GABBR2: variants seen among roughly 807,000 people sequenced by gnomAD.
GABBR2 encodes G-protein coupled receptor 51.
GABBR2 carries 23 observed loss-of-function variants against 105.6 expected under a neutral mutation model. The ratio of observed to expected loss-of-function variants is 0.22; its 90% confidence interval spans 0.16 to 0.31. The LOEUF is 0.31. Ranked by LOEUF, GABBR2 falls within the 10% of genes least tolerant of loss-of-function variation. The pLI, the probability that GABBR2 is intolerant of heterozygous loss-of-function variation, is 1.00. For synonymous variants in GABBR2, 478 were observed against 499.7 expected, an observed-to-expected ratio of 0.96 and a Z score of 0.58; for missense variants, 734 against 1,245.5, an observed-to-expected ratio of 0.59 and a Z score of 6.18.
rs57747633 is a variant in GABBR2 at position 98,465,121 on chromosome 9, T to TAAAAAAAAAAAA, written c.999+8013_999+8024dup. Among the ~76,000 whole-genome samples the TAAAAAAAAAAAA allele has an allele frequency of 9.5e-3, 208 of 22,010 alleles. 2 individuals carry two copies. Among genetic ancestry groups the TAAAAAAAAAAAA allele is most frequent in the Middle Eastern group, 0.071 (1 of 14 alleles). 14.4% of individuals were successfully genotyped at this position (22,010 alleles called of 152,430 possible). On this transcript the variant is annotated intron_variant, in intron 6 of 18. Coordinates refer to ENST00000259455, the MANE Select transcript of GABBR2 (RefSeq NM_005458.8). ...ACACCCAAGAATGATCAATAAATAC[T>TAAAAAAAAAAAA]AAAAAAAAAAAAAAAAAAAAAAAAA...
At chr9:98,613,389 G>A (rs1984055) in intron 1 of GABBR2, among the ~76,000 whole-genome samples, 126,851 of 151,646 alleles carry the variant, frequency 0.84, 53,296 homozygotes, top group Middle Eastern at 0.91. Context: ...ACAGTGAGCC[G>A]TGATTGTACC....
chr9:98,521,998 A>G (rs1322190277), intron 3 of GABBR2, among the ~76,000 whole-genome samples: 4 of 152,238 alleles, frequency 2.6e-5, no homozygotes, highest in Non-Finnish European at 5.9e-5. Flanking sequence ...TAAAATCTGG[A>G]TTCTAAATCT....
intron 13 of GABBR2, among the ~76,000 whole-genome samples, chr9:98,354,428 G>A (rs1831452148): frequency 6.6e-6 from 1 of 152,188 alleles, no homozygotes; most frequent in East Asian, 1.9e-4. Flanking sequence ...GACCTAGATG[G>A]CATCTTCTTC....
rs187546350 is a variant in GABBR2 at position 98,414,634 on chromosome 9, G to A, written c.1237-8493C>T. On this transcript the variant is annotated intron_variant, in intron 7 of 18. Transcript: ENST00000259455. Reference sequence around the variant, plus strand: ...AAGTGATATTCCAATTGTGCCAGTCGCTGGCTAGCTGTTGACCAAATTCAT... The same window carrying A: ...AAGTGATATTCCAATTGTGCCAGTCACTGGCTAGCTGTTGACCAAATTCAT... Among the ~76,000 whole-genome samples, 142 of 152,284 alleles carry A rather than the reference G, an allele frequency of 9.3e-4. 1 individual carries two copies. Among genetic ancestry groups the A allele is most frequent in the Admixed American group, 2.7e-3 (41 of 15,292 alleles).
At chr9:98,460,174 G>A (rs1342464816) in intron 6 of GABBR2, among the ~76,000 whole-genome samples, 2 of 152,206 alleles carry the variant, frequency 1.3e-5, no homozygotes. Flanking sequence ...GGAAGGCTGA[G>A]GTGGGCAGAT....
At chr9:98,450,125 C>T (rs1003076755) in intron 7 of GABBR2, among the ~76,000 whole-genome samples, 36 of 152,202 alleles carry the variant, frequency 2.4e-4, no homozygotes, top group Non-Finnish European at 3.5e-4. Context: ...TGTGTTTAAA[C>T]GATTTCCCAT....
At chr9:98,577,319 C>T (rs575815067) in intron 2 of GABBR2, among the ~76,000 whole-genome samples, 37 of 145,338 alleles carry the variant, frequency 2.5e-4, no homozygotes, top group Non-Finnish European at 5.0e-4. Context: ...TAACAGCTAA[C>T]ACTGGAAAGT....
chr9:98,415,200 T>C (rs1006487470), intron 7 of GABBR2, among the ~76,000 whole-genome samples: 2 of 152,212 alleles, frequency 1.3e-5, no homozygotes, highest in Admixed American at 1.3e-4. Context: ...TATCGCTTTT[T>C]ATTTTTACTT....
intron 3 of GABBR2, among the ~76,000 whole-genome samples, chr9:98,505,991 A>G (rs1461923744): frequency 6.6e-6 from 1 of 152,184 alleles, no homozygotes; most frequent in Non-Finnish European, 1.5e-5. Context: ...TATCCAATCT[A>G]GATGCTCACA....
At chr9:98,455,605 C>A (rs1396916969) in intron 6 of GABBR2, among the ~76,000 whole-genome samples, 2 of 152,242 alleles carry the variant, frequency 1.3e-5, no homozygotes, top group Non-Finnish European at 2.9e-5. Flanking sequence ...CTTCCCATTT[C>A]ATCTTGGCTA....
intron 7 of GABBR2, among the ~76,000 whole-genome samples, chr9:98,418,623 G>A (rs549840944): frequency 5.8e-4 from 89 of 152,292 alleles, no homozygotes; most frequent in Admixed American, 2.0e-3. Context: ...ATGTAAATGG[G>A]AAGGAAGTGG....
At chr9:98,700,391 A>G (rs1830814505) in intron 1 of GABBR2, among the ~76,000 whole-genome samples, 1 of 152,170 alleles carries the variant, frequency 6.6e-6, no homozygotes, top group Non-Finnish European at 1.5e-5. Flanking sequence ...AAATCTCCCA[A>G]GGCAGACCTC....
intron 6 of GABBR2, among the ~76,000 whole-genome samples, chr9:98,469,652 C>G (rs1197473857): frequency 6.6e-6 from 1 of 152,184 alleles, no homozygotes; most frequent in East Asian, 1.9e-4. Context: ...CTGCAAAACC[C>G]CCCTTTTCCA....
intron 3 of GABBR2, among the ~76,000 whole-genome samples, chr9:98,499,890 A>G (rs1409859665): frequency 6.6e-6 from 1 of 152,090 alleles, no homozygotes; most frequent in Non-Finnish European, 1.5e-5. Flanking sequence ...CGTCTCTACT[A>G]AAAGTATAAA....
chr9:98,696,730 CT>C (rs1830758219), intron 1 of GABBR2, among the ~76,000 whole-genome samples: 1 of 152,210 alleles, frequency 6.6e-6, no homozygotes, highest in African/African-American at 2.4e-5. Context: ...AGGAGACACA[CT>C]CAGACATAAA....
At chr9:98,546,044 AG>A (rs893793027) in intron 2 of GABBR2, among the ~76,000 whole-genome samples, 32 of 152,134 alleles carry the variant, frequency 2.1e-4, no homozygotes, top group Admixed American at 5.2e-4. Context: ...TTTAATTTCT[AG>A]TTTTCTTATA....
chr9:98,629,634 T>C (rs1390204229), intron 1 of GABBR2, among the ~76,000 whole-genome samples: 2 of 152,220 alleles, frequency 1.3e-5, no homozygotes, highest in Non-Finnish European at 2.9e-5. Context: ...CTTCCCCATG[T>C]ACATATGAAA....
At chr9:98,684,854 TGGGCTTTCCTCAA>T (rs1830601120) in intron 1 of GABBR2, among the ~76,000 whole-genome samples, 1 of 152,208 alleles carries the variant, frequency 6.6e-6, no homozygotes, top group Non-Finnish European at 1.5e-5. Flanking sequence ...GATGGAATTC[TGGGCTTTCCTCAA>T]GGCCAGCTGC....
intron 11 of GABBR2, among the ~76,000 whole-genome samples, chr9:98,378,935 G>C (rs1355613601): frequency 1.3e-5 from 2 of 152,200 alleles, no homozygotes; most frequent in Non-Finnish European, 2.9e-5. Flanking sequence ...TCAGCAAGTA[G>C]AGGCAGCTGG....
Sources: gnomAD v4.1 joint callset for allele counts (sites outside exome capture counted in the v4.1 genomes callset) on GRCh38, gnomAD v4.1.1 for gene constraint, MANE v1.5 for transcripts, NCBI Gene and HGNC (gene_info 2026-07-23, HGNC 2026-07-21) for gene names.